Variants in GLIPR1 observed in about 807,000 individuals in gnomAD.
GLIPR1 encodes GLI pathogenesis related 1.
Under a neutral mutation model 30.3 loss-of-function variants are expected in GLIPR1, and 38 were observed. The observed-to-expected ratio is 1.26, with a 90% CI of 0.97 to 1.65. The LOEUF (loss-of-function observed/expected upper bound fraction) is 1.65, where lower values mean the gene tolerates loss of function less well. Among genes scored for constraint, GLIPR1 ranks in the 40% most tolerant of loss-of-function variants. GLIPR1 has a pLI of 0.00. For missense variants in GLIPR1, 285 were observed against 326.5 expected, an observed-to-expected ratio of 0.87 and a Z score of 0.98; for synonymous variants, 122 against 110.6, an observed-to-expected ratio of 1.10 and a Z score of -0.65.
chr12:75,498,656 CTTTTAA>C (rs2046366986), intron 4 of GLIPR1, 32 bp from the exon 5 acceptor site: 4 of 1,567,308 alleles, frequency 2.6e-6, no homozygotes, highest in Admixed American at 1.7e-5. Context: ...TGTGTCTACC[CTTTTAA>C]TTTTTTTTCT....
rs965622115 is a variant in GLIPR1 at position 75,503,448 on chromosome 12, A to G, written c.*4470A>G. On this transcript the variant is annotated 3_prime_UTR_variant, in exon 6 of 6. Coordinates refer to ENST00000266659, the MANE Select transcript of GLIPR1 (RefSeq NM_006851.3). ...ATCAAAACAATGATGTGCAAGAACA[A>G]AATGGAAACTGGTCATGGTGGGAAA... 2.6e-5 allele frequency: 4 copies of G among 152,490 alleles called. No homozygotes were observed. Among genetic ancestry groups the G allele is most frequent in the African/African-American group, 9.7e-5 (4 of 41,444 alleles). 9.4% of individuals were successfully genotyped at this position (152,490 alleles called of 1,614,324 possible). A position where few individuals can be genotyped will look rare whatever the true frequency, so the allele number is the denominator to read the frequency against.
chr12:75,502,042 G>A lies in GLIPR1; in HGVS notation c.*3064G>A, dbSNP rs575966559. The A allele has an allele frequency of 1.0e-5, 15 of 1,503,882 alleles. No individual in the cohort carries two copies. In the South Asian group the frequency reaches 1.7e-4, roughly 17 times the overall value. The allele number at this position is 1,503,882 out of a possible 1,614,324, so 93.2% of individuals were successfully genotyped here. On this transcript the variant is annotated 3_prime_UTR_variant, in exon 6 of 6. Coordinates refer to ENST00000266659, the MANE Select transcript of GLIPR1 (RefSeq NM_006851.3). ...TTACAATTACATCAGAAATAATGTAGAGGAGAAGTCATGTCCTAAGCAAGT... is the reference window on the plus strand; with the variant it reads ...TTACAATTACATCAGAAATAATGTAAAGGAGAAGTCATGTCCTAAGCAAGT...
At position 75,486,801 on chromosome 12, in the gene GLIPR1, G is replaced by T. The variant is rs546175352; in HGVS notation, c.421-3605G>T. Among the ~76,000 whole-genome samples, 13 of 131,972 alleles carry T rather than the reference G, an allele frequency of 9.9e-5. No homozygotes were observed. The East Asian group carries it at 1.5e-3, about 15-fold the overall frequency. The allele number at this position is 131,972 out of a possible 152,430, so 86.6% of individuals were successfully genotyped here. On this transcript the variant is annotated intron_variant, in intron 2 of 5. Coordinates refer to ENST00000266659, the MANE Select transcript of GLIPR1 (RefSeq NM_006851.3). ...CTACAGAAACAGATTAATGACTGCT[G>T]GGGTCTGGTGGGGGTTGACCACAAA... is the stretch of plus-strand genomic sequence containing the variant.
In GLIPR1 at chr12:75,499,191, T is replaced by TG; in HGVS notation, c.*215dup. ...AGCATTATTTGCAGGTTGCCACAGG[T>TG]GGACTTTTAGTAAGTAACCTAACCC... is the stretch of plus-strand genomic sequence containing the variant. On this transcript the variant is annotated 3_prime_UTR_variant, in exon 6 of 6. Transcript: ENST00000266659. The TG allele has an allele frequency of 2.6e-6, 1 of 388,540 alleles. No homozygotes were observed. The highest frequency in any genetic ancestry group is 5.4e-5 in the South Asian group (1 of 18,508). 24.1% of individuals were successfully genotyped at this position (388,540 alleles called of 1,614,324 possible). A position where few individuals can be genotyped will look rare whatever the true frequency, so the allele number is the denominator to read the frequency against.
chr12:75,488,220 A>G (rs555602408), intron 2 of GLIPR1, among the ~76,000 whole-genome samples: 83 of 152,194 alleles, frequency 5.5e-4, no homozygotes, highest in African/African-American at 1.9e-3. Context: ...TCTCAGCCTC[A>G]TTTTACCCAG....
Position 75,481,861 on chromosome 12 carries a change from G to A in GLIPR1, c.202G>A (p.Ala68Thr), listed in dbSNP as rs767014464. The A allele has an allele frequency of 8.7e-6, 14 of 1,613,930 alleles. No homozygotes were observed. The highest frequency in any genetic ancestry group is 4.5e-5 in the East Asian group (2 of 44,904). ...TTGGGACCCAGCACTAGCCCAAATT[G>A]CAAAAGCATGGGCCAGCAATTGCCA... ...MTWDPALAQI[A>T]KAWASNCQFS... Residue 68 changes from alanine (A) to threonine (T), a missense_variant, in exon 2 of 6, where the codon GCA (alanine) becomes ACA (threonine). Transcript: ENST00000266659.
chr12:75,495,659 T>C lies in GLIPR1; in HGVS notation c.616T>C (p.Cys206Arg), dbSNP rs754340327. 1.3e-6 allele frequency: 2 copies of C among 1,588,484 alleles called. No individual in the cohort carries two copies. The highest frequency in any genetic ancestry group is 2.2e-5 in the East Asian group (1 of 44,736). ...PNNDKCLDNL[C>R]VNRQRDQVKR... ...TAATGACAAGTGTTTGGACAATCTC[T>C]GTGGTGAGTAAAAGGAACAATACAC... Residue 206 changes from cysteine to arginine, a missense_variant, in exon 4 of 6, where the codon TGT becomes CGT. Coordinates refer to ENST00000266659, the MANE Select transcript of GLIPR1 (RefSeq NM_006851.3).
rs1255070674 is a variant in GLIPR1, at chr12:75,480,831, C to T, written c.-50C>T. On this transcript the variant is annotated 5_prime_UTR_variant, in exon 1 of 6. Transcript: ENST00000266659. ...ACTCAGGCAATCACACTCTCAGAAACTGCGGCGGCTCTGGACTGCAGCCTC... is the reference window on the plus strand; with the variant it reads ...ACTCAGGCAATCACACTCTCAGAAATTGCGGCGGCTCTGGACTGCAGCCTC... 2 of 1,472,050 alleles carry T rather than the reference C, an allele frequency of 1.4e-6. No homozygotes were observed. Among genetic ancestry groups the T allele is most frequent in the Non-Finnish European group, 1.9e-6 (2 of 1,076,404 alleles). 91.2% of individuals were successfully genotyped at this position (1,472,050 alleles called of 1,614,324 possible).
At chr12:75,490,643 TA>T (rs1195766179) in intron 3 of GLIPR1, 125 bp downstream of exon 3, 1 of 562,710 alleles carries the variant, frequency 1.8e-6, no homozygotes, top group Non-Finnish European at 3.1e-6. Context: ...AAAGTATAAA[TA>T]AAAAATTAAC....
intron 1 of GLIPR1, chr12:75,481,286 T>G: frequency 5.4e-6 from 2 of 370,930 alleles, no homozygotes; most frequent in East Asian, 4.1e-5. Context: ...ACTTCCTGTT[T>G]TCTGGTTTTC....
chr12:75,501,591 G>T lies in GLIPR1; in HGVS notation c.*2613G>T, dbSNP rs2046394439. ...TTATCTCAGCCATCCCTTGTCCTTAGGATTAGTAATTAATGAAATGCTAAG... is the reference window on the plus strand; with the variant it reads ...TTATCTCAGCCATCCCTTGTCCTTATGATTAGTAATTAATGAAATGCTAAG... On this transcript the variant is annotated 3_prime_UTR_variant, in exon 6 of 6. Coordinates refer to ENST00000266659, the MANE Select transcript of GLIPR1 (RefSeq NM_006851.3). 1 of 639,100 alleles carries T rather than the reference G, an allele frequency of 1.6e-6. No homozygotes were observed. The highest frequency in any genetic ancestry group is 2.7e-6 in the Non-Finnish European group (1 of 372,374). 39.6% of individuals were successfully genotyped at this position (639,100 alleles called of 1,614,324 possible). A position where few individuals can be genotyped will look rare whatever the true frequency, so the allele number is the denominator to read the frequency against.
intron 2 of GLIPR1, among the ~76,000 whole-genome samples, chr12:75,488,956 T>A (rs542011372): frequency 6.6e-6 from 1 of 152,230 alleles, no homozygotes; most frequent in Non-Finnish European, 1.5e-5. Context: ...TTGGCACAGT[T>A]CTTATGACAA....
At chr12:75,490,660 C>G (rs1484310522) in intron 3 of GLIPR1, 142 bp downstream of exon 3, 2 of 571,192 alleles carry the variant, frequency 3.5e-6, no homozygotes, top group Non-Finnish European at 6.2e-6. Context: ...TTAACATAAC[C>G]TTTAATTCTT....
At position 75,502,004 on chromosome 12, in the gene GLIPR1, T is replaced by C; in HGVS notation, c.*3026T>C. On this transcript the variant is annotated 3_prime_UTR_variant, in exon 6 of 6. Transcript: ENST00000266659. ...CACTAGCCAATTCTTTATCGATCTG[T>C]TGAAAACGGTATTTACAATTACATC... 1 of 1,604,216 alleles carries C rather than the reference T, an allele frequency of 6.2e-7. No homozygotes were observed.
chr12:75,495,321 A>G (rs898790904), intron 3 of GLIPR1: 2 of 355,550 alleles, frequency 5.6e-6, no homozygotes, highest in Non-Finnish European at 1.0e-5. Context: ...TAAAACAAGA[A>G]TAACTTCCTC....
At position 75,501,839 on chromosome 12, in the gene GLIPR1, T is replaced by C. The variant is rs2306391; in HGVS notation, c.*2861T>C. 394,775 of 1,570,674 alleles carry C rather than the reference T, an allele frequency of 0.25. 51,135 individuals are homozygous for C. Among genetic ancestry groups the C allele is most frequent in the Admixed American group, 0.34 (19,598 of 57,092 alleles). ...AGCCTACATTAATAAATAAAAAATA[T>C]ATCAGTTAAATGTATTTATAGTTAA... On this transcript the variant is annotated 3_prime_UTR_variant, in exon 6 of 6. Transcript: ENST00000266659.
At chr12:75,498,662 ATTT>A (rs569157020) in intron 4 of GLIPR1, 29 bp from the exon 5 acceptor site, 2 of 1,585,710 alleles carry the variant, frequency 1.3e-6, no homozygotes, top group Admixed American at 3.3e-5. Context: ...TACCCTTTTA[ATTT>A]TTTTTCTTTC....
intron 2 of GLIPR1, among the ~76,000 whole-genome samples, chr12:75,482,569 G>A (rs1221138271): frequency 1.3e-5 from 2 of 152,148 alleles, no homozygotes; most frequent in South Asian, 2.1e-4. Flanking sequence ...CACCACGCAC[G>A]GTGCTACACA....
intron 1 of GLIPR1, chr12:75,481,298 G>A: frequency 3.1e-6 from 1 of 322,054 alleles, no homozygotes; most frequent in Non-Finnish European, 5.6e-6. Context: ...CTGGTTTTCA[G>A]TGGATTTTAC....
Sources: gnomAD v4.1 joint callset for allele counts (sites outside exome capture counted in the v4.1 genomes callset) on GRCh38, gnomAD v4.1.1 for gene constraint, MANE v1.5 for transcripts, NCBI Gene and HGNC (gene_info 2026-07-23, HGNC 2026-07-21) for gene names.